Variants in DPP6 observed in about 807,000 individuals in gnomAD.
The protein encoded by DPP6 is dipeptidyl peptidase like 6, also known as A-type potassium channel modulatory protein DPP6.
Under a neutral mutation model 122.6 loss-of-function variants are expected in DPP6, and 69 were observed. That is an observed-to-expected ratio of 0.56 (90% CI 0.46 to 0.69). The LOEUF (loss-of-function observed/expected upper bound fraction) is 0.69. Among genes scored for constraint, DPP6 ranks in the 30% least tolerant of loss-of-function variants. The pLI is 0.00. For missense variants in DPP6, 928 were observed against 1,116.9 expected, an observed-to-expected ratio of 0.83 and a Z score of 2.41; for synonymous variants, 418 against 433.1, an observed-to-expected ratio of 0.97 and a Z score of 0.43.
chr7:154,662,178 T>A (rs1171044691), intron 6 of DPP6, among the ~76,000 whole-genome samples: 1 of 151,248 alleles, frequency 6.6e-6, no homozygotes, highest in Non-Finnish European at 1.5e-5. Flanking sequence ...GTTCATATAG[T>A]CATGGTGAAT....
intron 1 of DPP6, among the ~76,000 whole-genome samples, chr7:154,253,402 A>T (rs933654202): frequency 9.9e-5 from 15 of 152,222 alleles, no homozygotes; most frequent in African/African-American, 3.6e-4. Flanking sequence ...GCCTGTCAAG[A>T]AAGCCCTTGC....
At chr7:153,786,500 G>C in the DPP6 span, among the ~76,000 whole-genome samples, 1 of 151,772 alleles carries the variant, frequency 6.6e-6, no homozygotes, top group South Asian at 2.1e-4. Context: ...AGCACTTTGG[G>C]AGGCCGAGGC....
the DPP6 span, among the ~76,000 whole-genome samples, chr7:153,815,770 G>A: frequency 6.6e-6 from 1 of 152,158 alleles, no homozygotes; most frequent in African/African-American, 2.4e-5. Flanking sequence ...CATCATCTCT[G>A]TATTGTGAGT....
intron 3 of DPP6, among the ~76,000 whole-genome samples, chr7:154,490,492 T>C (rs1824187663): frequency 6.6e-6 from 1 of 152,226 alleles, no homozygotes. Flanking sequence ...CCTGGGGCTC[T>C]GAAGGGCAGC....
intron 1 of DPP6, among the ~76,000 whole-genome samples, chr7:154,078,351 T>TACACACAC (rs3052965): frequency 4.7e-5 from 7 of 149,520 alleles, no homozygotes; most frequent in East Asian, 2.0e-4. Flanking sequence ...AGTGCATATG[T>TACACACAC]ACACACACAC....
chr7:153,923,834 A>G (rs1423978322), intron 1 of DPP6, among the ~76,000 whole-genome samples: 1 of 151,490 alleles, frequency 6.6e-6, no homozygotes, highest in Non-Finnish European at 1.5e-5. Flanking sequence ...CCCTGGTTAC[A>G]TCTTTGTATC....
At chr7:154,778,531 G>A (rs1026769503) in intron 10 of DPP6, among the ~76,000 whole-genome samples, 1 of 151,526 alleles carries the variant, frequency 6.6e-6, no homozygotes, top group African/African-American at 2.4e-5. Flanking sequence ...GAACAATAGA[G>A]TTCTCATACC....
At chr7:154,354,189 A>G (rs1811095056) in intron 1 of DPP6, among the ~76,000 whole-genome samples, 1 of 152,214 alleles carries the variant, frequency 6.6e-6, no homozygotes, top group Non-Finnish European at 1.5e-5. Context: ...TATCTTCCCT[A>G]TCCAACCACT....
intron 1 of DPP6, among the ~76,000 whole-genome samples, chr7:154,260,825 C>T (rs191774731): frequency 1.8e-3 from 277 of 151,212 alleles, no homozygotes; most frequent in African/African-American, 6.5e-3. Context: ...CATATAATTA[C>T]TTATTTTCTT....
At chr7:154,138,448 A>C (rs1431896042) in intron 1 of DPP6, among the ~76,000 whole-genome samples, 1 of 152,238 alleles carries the variant, frequency 6.6e-6, no homozygotes, top group Non-Finnish European at 1.5e-5. Flanking sequence ...CTGTAATAGA[A>C]TTGGACAGAG....
At chr7:154,703,596 G>A (rs569409975) in intron 7 of DPP6, among the ~76,000 whole-genome samples, 3 of 143,034 alleles carry the variant, frequency 2.1e-5, no homozygotes, top group East Asian at 4.1e-4. Context: ...TCCAGCCTGA[G>A]CAACAGTGAG....
chr7:154,022,306 A>G (rs1798741721), intron 1 of DPP6, among the ~76,000 whole-genome samples: 1 of 152,252 alleles, frequency 6.6e-6, no homozygotes, highest in African/African-American at 2.4e-5. Context: ...CTGCTTGACC[A>G]TGGCAAGTGA....
chr7:154,658,981 A>G (rs1837448415), intron 6 of DPP6, among the ~76,000 whole-genome samples: 1 of 152,228 alleles, frequency 6.6e-6, no homozygotes, highest in South Asian at 2.1e-4. Flanking sequence ...GAGGAAAGCC[A>G]TTCAGTAGGG....
chr7:154,889,293 G>A lies in DPP6; in HGVS notation c.2326G>A (p.Val776Ile). The A allele has an allele frequency of 6.2e-7, 1 of 1,612,998 alleles. No homozygotes were observed. The highest frequency in any genetic ancestry group is 8.5e-7 in the Non-Finnish European group (1 of 1,179,696). ...GCAGATGACCAAGGTAGCCCATCGA[G>A]TCTCCGCGCTGGAAGAACAGCAGTT... is the stretch of plus-strand genomic sequence containing the variant. ...AYEMTKVAHR[V>I]SALEEQQFLI... Residue 776 changes from valine (V) to isoleucine (I), a missense_variant, in exon 24 of 26, where the codon GTC becomes ATC. Val to Ile is a conservative substitution (Grantham distance 29). Coordinates refer to ENST00000377770, the MANE Select transcript of DPP6 (RefSeq NM_130797.4).
chr7:153,829,680 C>T, the DPP6 span, among the ~76,000 whole-genome samples: 3 of 152,176 alleles, frequency 2.0e-5, no homozygotes, highest in African/African-American at 7.2e-5. Context: ...AAAGGAATGC[C>T]ACTTCTGGAA....
the DPP6 span, among the ~76,000 whole-genome samples, chr7:153,879,399 T>C: frequency 6.6e-6 from 1 of 152,178 alleles, no homozygotes; most frequent in Non-Finnish European, 1.5e-5. Flanking sequence ...TTCTTTCTTT[T>C]TTTATTTTGA....
rs569240757 is a variant in DPP6, at chr7:153,989,261, G to C, written c.51+101527G>C. On this transcript the variant is annotated intron_variant, in intron 1 of 25. Transcript: ENST00000404039. ...ACAGTGTGTGTCACTGAGTGGGCGA[G>C]TGAGAAAGTGGGTGAATGTGTGCGT... Among the ~76,000 whole-genome samples the C allele has an allele frequency of 4.9e-4, 70 of 142,196 alleles. 1 individual carries two copies. In the South Asian group the frequency reaches 0.018, roughly 36 times the overall value. The allele number at this position is 142,196 out of a possible 152,430, so 93.3% of individuals were successfully genotyped here. A position where few individuals can be genotyped will look rare whatever the true frequency, so the allele number is the denominator to read the frequency against.
At chr7:154,260,366 A>G (rs2150912571) in intron 1 of DPP6, among the ~76,000 whole-genome samples, 1 of 152,242 alleles carries the variant, frequency 6.6e-6, no homozygotes, top group East Asian at 1.9e-4. Flanking sequence ...TTTAGTGGTT[A>G]TTCGTGGGAT....
chr7:154,125,736 T>C (rs1297203129), intron 1 of DPP6, among the ~76,000 whole-genome samples: 2 of 152,156 alleles, frequency 1.3e-5, no homozygotes, highest in African/African-American at 2.4e-5. Context: ...GTGAAGATAA[T>C]GGGTTCACAT....
Sources: allele counts gnomAD v4.1 joint callset (sites outside exome capture counted in the v4.1 genomes callset), GRCh38; gene constraint gnomAD v4.1.1; transcripts MANE v1.5; gene names NCBI Gene and HGNC (gene_info 2026-07-23, HGNC 2026-07-21).